The following GRID2 variants were observed in gnomAD, a reference collection of about 807,000 sequenced individuals.
The protein encoded by GRID2 is glutamate receptor ionotropic, delta-2.
Under a neutral mutation model 114.8 loss-of-function variants are expected in GRID2, and 33 were observed. The observed-to-expected ratio is 0.29, with a 90% CI of 0.22 to 0.38. The LOEUF is 0.38. GRID2 is among the 10% of genes least tolerant of loss of function. The pLI is 1.00. For missense variants in GRID2, 1,184 were observed against 1,257.7 expected, an observed-to-expected ratio of 0.94 and a Z score of 0.89; for synonymous variants, 505 against 449.9, an observed-to-expected ratio of 1.12 and a Z score of -1.55.
intron 2 of GRID2, among the ~76,000 whole-genome samples, chr4:92,913,800 C>A (rs1178949099): frequency 1.3e-5 from 2 of 151,588 alleles, no homozygotes; most frequent in Non-Finnish European, 2.9e-5. Flanking sequence ...ACTCAGTATA[C>A]CAGAGACAAT....
chr4:92,848,718 T>A (rs751122411), intron 2 of GRID2, among the ~76,000 whole-genome samples: 7 of 151,946 alleles, frequency 4.6e-5, no homozygotes, highest in Non-Finnish European at 1.0e-4. Context: ...CACACCAGAA[T>A]GACTCTATTT....
chr4:92,869,666 T>C (rs1745134046), intron 2 of GRID2, among the ~76,000 whole-genome samples: 1 of 152,210 alleles, frequency 6.6e-6, no homozygotes, highest in South Asian at 2.1e-4. Flanking sequence ...TTTTGCATTA[T>C]TCACCACCTC....
At chr4:92,444,277 G>T (rs1372252300) in intron 1 of GRID2, among the ~76,000 whole-genome samples, 1 of 152,220 alleles carries the variant, frequency 6.6e-6, no homozygotes, top group Non-Finnish European at 1.5e-5. Context: ...TCACCTGGGT[G>T]CAGGCAGGCT....
chr4:92,457,204 A>C (rs1002076297), intron 1 of GRID2, among the ~76,000 whole-genome samples: 2 of 152,110 alleles, frequency 1.3e-5, no homozygotes, highest in African/African-American at 4.8e-5. Flanking sequence ...TTTAAAACCA[A>C]GTTCAATTGG....
At chr4:92,940,465 G>T (rs565406199) in intron 2 of GRID2, among the ~76,000 whole-genome samples, 1 of 151,856 alleles carries the variant, frequency 6.6e-6, no homozygotes, top group South Asian at 2.1e-4. Flanking sequence ...AGGAGATTTT[G>T]GGCTGAGACG....
intron 4 of GRID2, among the ~76,000 whole-genome samples, chr4:93,170,854 C>CTT (rs112575633): frequency 0.13 from 18,866 of 145,690 alleles, 1,687 homozygotes; most frequent in East Asian, 0.29. Context: ...ATGTTTGATT[C>CTT]TTTTTTTTTT....
intron 4 of GRID2, among the ~76,000 whole-genome samples, chr4:93,163,354 G>GTGTA (rs1579160249): frequency 3.5e-5 from 1 of 28,506 alleles, no homozygotes; most frequent in Non-Finnish European, 5.7e-5. Flanking sequence ...TTTTTTTTTT[G>GTGTA]TGTATATATA....
chr4:93,142,273 G>A (rs1401589393), intron 4 of GRID2, among the ~76,000 whole-genome samples: 1 of 152,152 alleles, frequency 6.6e-6, no homozygotes, highest in African/African-American at 2.4e-5. Context: ...ATTGAGAGAT[G>A]TATTAATCTA....
chr4:92,462,201 T>G (rs1009969929), intron 1 of GRID2, among the ~76,000 whole-genome samples: 1 of 152,100 alleles, frequency 6.6e-6, no homozygotes, highest in African/African-American at 2.4e-5. Flanking sequence ...CAACTTACTA[T>G]TCTCACATCG....
intron 1 of GRID2, among the ~76,000 whole-genome samples, chr4:92,531,169 C>A (rs1725338118): frequency 6.6e-6 from 1 of 151,872 alleles, no homozygotes; most frequent in Non-Finnish European, 1.5e-5. Flanking sequence ...ATCACTGGAG[C>A]TTAGTTTTCG....
chr4:93,004,415 C>T (rs1721299340), intron 2 of GRID2, among the ~76,000 whole-genome samples: 1 of 151,958 alleles, frequency 6.6e-6, no homozygotes. Flanking sequence ...TGTGCCTATG[C>T]ACTTTATTTA....
chr4:93,795,471 G>C (rs1330201353), intron 1 of GRID2, among the ~76,000 whole-genome samples: 3 of 152,066 alleles, frequency 2.0e-5, no homozygotes, highest in East Asian at 3.8e-4. Context: ...AAAGGCAGTA[G>C]TGTATATTTT....
intron 10 of GRID2, among the ~76,000 whole-genome samples, chr4:93,438,184 C>A (rs1314495289): frequency 1.3e-5 from 2 of 152,012 alleles, no homozygotes; most frequent in Non-Finnish European, 2.9e-5. Flanking sequence ...TACTTTTCCT[C>A]GGCCTTCAAA....
intron 14 of GRID2, among the ~76,000 whole-genome samples, chr4:93,678,117 C>A (rs1725100146): frequency 6.6e-6 from 1 of 152,126 alleles, no homozygotes; most frequent in Admixed American, 6.5e-5. Context: ...GGCTCGAGAA[C>A]TGCATGAAGA....
intron 2 of GRID2, among the ~76,000 whole-genome samples, chr4:92,605,895 C>T (rs1291212018): frequency 6.6e-6 from 1 of 152,056 alleles, no homozygotes; most frequent in Non-Finnish European, 1.5e-5. Context: ...CCTGGTATTC[C>T]TGCAGATCTC....
chr4:92,558,378 A>G (rs374350791), intron 1 of GRID2, among the ~76,000 whole-genome samples: 16 of 152,186 alleles, frequency 1.1e-4, no homozygotes, highest in African/African-American at 3.4e-4. Context: ...TTAAAGGCCA[A>G]ACTTCTAAAT....
chr4:93,375,888 C>T (rs1172204594), intron 8 of GRID2, among the ~76,000 whole-genome samples: 1 of 152,064 alleles, frequency 6.6e-6, no homozygotes, highest in Non-Finnish European at 1.5e-5. Context: ...TTCCACAGAC[C>T]AAGTGGCTGA....
intron 2 of GRID2, among the ~76,000 whole-genome samples, chr4:92,969,261 T>A (rs1753344401): frequency 6.6e-6 from 1 of 151,564 alleles, no homozygotes; most frequent in Admixed American, 6.6e-5. Flanking sequence ...ACCATAAGAT[T>A]AAAGTCTTAT....
chr4:92,462,794 C>G (rs1721560297), intron 1 of GRID2, among the ~76,000 whole-genome samples: 1 of 151,772 alleles, frequency 6.6e-6, no homozygotes, highest in South Asian at 2.1e-4. Context: ...GCAAGAAAAC[C>G]AATGAGACTT....
Sources: allele counts gnomAD v4.1 joint callset (sites outside exome capture counted in the v4.1 genomes callset), GRCh38; gene constraint gnomAD v4.1.1; transcripts MANE v1.5; gene names NCBI Gene and HGNC (gene_info 2026-07-23, HGNC 2026-07-21).